ANKRD6: variants seen among roughly 807,000 people sequenced by gnomAD.
ANKRD6 encodes the protein ankyrin repeat domain-containing protein 6.
Under a neutral mutation model 82.3 loss-of-function variants are expected in ANKRD6, and 56 were observed. That is an observed-to-expected ratio of 0.68 (90% CI 0.55 to 0.85). ANKRD6 has a LOEUF of 0.85. ANKRD6 is among the 40% of genes least tolerant of loss of function. ANKRD6 has a pLI of 0.00. For missense variants in ANKRD6, 852 were observed against 907.6 expected (o/e 0.94, Z 0.79); for synonymous variants, 347 against 352.1 (o/e 0.99, Z 0.16).
In ANKRD6 at chr6:89,624,077, A is replaced by G. The variant is rs370299443; in HGVS notation, c.1218+20A>G. ...ATGCAGGTACCTGCAAAGCAGTGTC[A>G]GGAGAAGGGAACATAGGCCTTCAGC... On this transcript the variant is annotated intron_variant, in intron 12 of 15. Coordinates refer to ENST00000339746, the MANE Select transcript of ANKRD6 (RefSeq NM_001242809.2). 6.3e-7 allele frequency: 1 copy of G among 1,597,770 alleles called. No individual in the cohort carries two copies. The highest frequency in any genetic ancestry group is 8.5e-7 in the Non-Finnish European group (1 of 1,172,116).
At chr6:89,543,177 A>G (rs931229289) in intron 1 of ANKRD6, among the ~76,000 whole-genome samples, 3 of 152,206 alleles carry the variant, frequency 2.0e-5, no homozygotes, top group African/African-American at 7.2e-5. Flanking sequence ...TTGTAAAGGA[A>G]AATATACTAC....
chr6:89,512,820 GTCTTAGAAGAGTGAA>G (rs1194440482), intron 1 of ANKRD6, among the ~76,000 whole-genome samples: 1 of 152,170 alleles, frequency 6.6e-6, no homozygotes, highest in Non-Finnish European at 1.5e-5. Flanking sequence ...TTTGTTGTCT[GTCTTAGAAGAGTGAA>G]TGGTTTCCAC....
intron 1 of ANKRD6, among the ~76,000 whole-genome samples, chr6:89,451,809 A>G (rs1489122698): frequency 6.6e-6 from 1 of 152,176 alleles, no homozygotes; most frequent in African/African-American, 2.4e-5. Context: ...TTGCTCCAGG[A>G]CTTCTGTGGT....
At chr6:89,526,010 T>C (rs2127980023) in intron 1 of ANKRD6, among the ~76,000 whole-genome samples, 1 of 152,296 alleles carries the variant, frequency 6.6e-6, no homozygotes. Flanking sequence ...AAGAGTGTGG[T>C]TTTTCTTGTA....
chr6:89,455,063 C>T (rs564941436), intron 1 of ANKRD6, among the ~76,000 whole-genome samples: 2 of 151,470 alleles, frequency 1.3e-5, no homozygotes, highest in Non-Finnish European at 2.9e-5. Context: ...AGGCTGGTCT[C>T]GAACTCTCGA....
chr6:89,630,931 C>T lies in ANKRD6; in HGVS notation c.2111C>T (p.Thr704Ile). 2 of 1,608,282 alleles carry T rather than the reference C, an allele frequency of 1.2e-6. No homozygotes were observed. Among genetic ancestry groups the T allele is most frequent in the South Asian group, 2.2e-5 (2 of 90,132 alleles). Reference sequence around the variant, plus strand: ...CAGAAAGCCCAGCAAGATAAGGCTACATTGAAGGAACACATTAAAAGTTTA... The same window carrying T: ...CAGAAAGCCCAGCAAGATAAGGCTATATTGAAGGAACACATTAAAAGTTTA... ...ANQKAQQDKA[T>I]LKEHIKSLEE... is the part of the protein sequence containing the mutation. Residue 704 changes from threonine (T) to isoleucine (I), a missense_variant, in exon 16 of 16, where the codon ACA (threonine) becomes ATA (isoleucine). Thr to Ile is a moderately conservative substitution (Grantham distance 89). Coordinates refer to ENST00000339746, the MANE Select transcript of ANKRD6 (RefSeq NM_001242809.2).
At chr6:89,575,104 G>C (rs1790805877) in intron 2 of ANKRD6, among the ~76,000 whole-genome samples, 1 of 152,214 alleles carries the variant, frequency 6.6e-6, no homozygotes, top group South Asian at 2.1e-4. Flanking sequence ...TTTCTGAGCT[G>C]AGCATTTCTG....
chr6:89,623,922 C>T lies in ANKRD6; in HGVS notation c.1083C>T (p.His361=), dbSNP rs1176170388. 1 of 1,613,814 alleles carries T rather than the reference C, an allele frequency of 6.2e-7. No homozygotes were observed. Among genetic ancestry groups the T allele is most frequent in the South Asian group, 1.1e-5 (1 of 91,082 alleles). The change falls in exon 12 of 16, where the codon CAC becomes CAT. Residue 361 remains histidine (H), a synonymous_variant. Transcript: ENST00000339746. Reference sequence around the variant, plus strand: ...CACCAGCCGACCAACAGCCTGGACACCAGAAGAACCTGCATGCTCATAATC... The same window carrying T: ...CACCAGCCGACCAACAGCCTGGACATCAGAAGAACCTGCATGCTCATAATC... ...PTPPADQQPG[H]QKNLHAHNHP...
chr6:89,574,859 C>T (rs1007437017), intron 2 of ANKRD6, among the ~76,000 whole-genome samples: 1 of 152,188 alleles, frequency 6.6e-6, no homozygotes, highest in African/African-American at 2.4e-5. Context: ...ACTGAAAAAT[C>T]AGCTGACAAA....
chr6:89,499,350 G>C (rs1053508006), intron 1 of ANKRD6, among the ~76,000 whole-genome samples: 2 of 152,144 alleles, frequency 1.3e-5, no homozygotes, highest in African/African-American at 4.8e-5. Context: ...TGTGAGGCCT[G>C]GTGAGCCTGC....
intron 1 of ANKRD6, among the ~76,000 whole-genome samples, chr6:89,474,312 C>T (rs796921056): frequency 5.3e-5 from 8 of 152,250 alleles, no homozygotes; most frequent in African/African-American, 1.9e-4. Flanking sequence ...TCTTTTTTCC[C>T]ACATCTCTGT....
chr6:89,443,490 A>G (rs539620808), intron 1 of ANKRD6, among the ~76,000 whole-genome samples: 1 of 151,190 alleles, frequency 6.6e-6, no homozygotes, highest in Admixed American at 6.6e-5. Context: ...TTTTTGAGAC[A>G]GGGTCTCACT....
At position 89,621,860 on chromosome 6, in the gene ANKRD6, A is replaced by T. The variant is rs146018702; in HGVS notation, c.793-62A>T. ...AGGTCAGAGCCCCAGGTCCAAGGAG[A>T]ATTCTCTCACACAGATGCTGCGCAC... is the stretch of plus-strand genomic sequence containing the variant. On this transcript the variant is annotated intron_variant, in intron 9 of 15. Transcript: ENST00000339746. 1.2e-4 allele frequency: 183 copies of T among 1,520,274 alleles called. No homozygotes were observed. The African/African-American group carries it at 1.3e-3, about 11-fold the overall frequency. The allele number at this position is 1,520,274 out of a possible 1,614,324, so 94.2% of individuals were successfully genotyped here.
At chr6:89,473,959 C>T (rs1420656292) in intron 1 of ANKRD6, among the ~76,000 whole-genome samples, 3 of 152,258 alleles carry the variant, frequency 2.0e-5, no homozygotes, top group Admixed American at 6.5e-5. Flanking sequence ...CAAGCCTGGA[C>T]AACAGAGTGA....
At chr6:89,611,675 G>C (rs968977697) in intron 5 of ANKRD6, among the ~76,000 whole-genome samples, 6 of 152,270 alleles carry the variant, frequency 3.9e-5, no homozygotes, top group African/African-American at 1.4e-4. Context: ...CTGCCTGAAA[G>C]GCAGGGCCTG....
intron 1 of ANKRD6, among the ~76,000 whole-genome samples, chr6:89,488,109 C>G (rs1020995774): frequency 1.4e-4 from 21 of 152,210 alleles, no homozygotes; most frequent in Admixed American, 1.2e-3. Context: ...ATTCTCCCAC[C>G]TGTCGTCTCT....
At chr6:89,456,784 G>T (rs1773560264) in intron 1 of ANKRD6, among the ~76,000 whole-genome samples, 2 of 152,284 alleles carry the variant, frequency 1.3e-5, no homozygotes, top group South Asian at 2.1e-4. Context: ...ATCCATGAAG[G>T]ACAGCATTGA....
Position 89,624,672 on chromosome 6 carries a change from A to T in ANKRD6, c.1352A>T (p.Glu451Val). 6.2e-7 allele frequency: 1 copy of T among 1,603,646 alleles called. No homozygotes were observed. The highest frequency in any genetic ancestry group is 1.7e-5 in the Admixed American group (1 of 58,660). The change falls in exon 13 of 16, where the codon GAG (glutamate) becomes GTG (valine). Residue 451 changes from glutamate to valine, a missense_variant. Coordinates refer to ENST00000339746, the MANE Select transcript of ANKRD6 (RefSeq NM_001242809.2). ...ATGAATACAAAGCTGGGGCAGATGGAGAATAAGACCCAGCACCAAGTATGT... is the reference window on the plus strand; with the variant it reads ...ATGAATACAAAGCTGGGGCAGATGGTGAATAAGACCCAGCACCAAGTATGT... Reference protein sequence around the residue: ...DKMNTKLGQMENKTQHQMRVL... With the variant: ...DKMNTKLGQMVNKTQHQMRVL...
chr6:89,472,862 T>G (rs2127790900), intron 1 of ANKRD6, among the ~76,000 whole-genome samples: 1 of 152,212 alleles, frequency 6.6e-6, no homozygotes, highest in African/African-American at 2.4e-5. Flanking sequence ...CTCCCCAGCC[T>G]CCCATCCACC....
Sources: gnomAD v4.1 joint callset for allele counts (sites outside exome capture counted in the v4.1 genomes callset) on GRCh38, gnomAD v4.1.1 for gene constraint, MANE v1.5 for transcripts, NCBI Gene and HGNC (gene_info 2026-07-23, HGNC 2026-07-21) for gene names.